The following ATXN1 variants were observed in gnomAD, a reference collection of about 807,000 sequenced individuals.
The protein encoded by ATXN1 is ataxin 1.
In ATXN1, 8 loss-of-function variants were observed where a neutral mutation model predicts 56.4. The ratio of observed to expected loss-of-function variants is 0.14; its 90% CI spans 0.08 to 0.26. The LOEUF (loss-of-function observed/expected upper bound fraction) is 0.26, where lower values mean the gene tolerates loss of function less well. Among genes scored for constraint, ATXN1 ranks in the 10% least tolerant of loss-of-function variants. The pLI is 1.00. For missense variants in ATXN1, 987 were observed against 1,106.5 expected, an observed-to-expected ratio of 0.89 and a Z score of 1.53; for synonymous variants, 514 against 494.6, an observed-to-expected ratio of 1.04 and a Z score of -0.52.
At chr6:16,448,316 C>G (rs926747721) in intron 6 of ATXN1, among the ~76,000 whole-genome samples, 1 of 152,146 alleles carries the variant, frequency 6.6e-6, no homozygotes, top group Admixed American at 6.6e-5. Flanking sequence ...CCTCCCTGGT[C>G]GCCTTGTCTA....
At chr6:16,665,420 T>C (rs1758404330) in intron 2 of ATXN1, among the ~76,000 whole-genome samples, 1 of 152,078 alleles carries the variant, frequency 6.6e-6, no homozygotes, top group South Asian at 2.1e-4. Context: ...TCACACATCA[T>C]ATAGCCTCTG....
At position 16,698,650 on chromosome 6, in the gene ATXN1, TAA is replaced by T. The variant is rs11311429; in HGVS notation, c.-614-40751_-614-40750del. Among the ~76,000 whole-genome samples the T allele has an allele frequency of 4.8e-3, 643 of 135,342 alleles. 1 individual carries two copies. The highest frequency in any genetic ancestry group is 0.015 in the Middle Eastern group (4 of 262). The allele number at this position is 135,342 out of a possible 152,430, so 88.8% of individuals were successfully genotyped here. A position where few individuals can be genotyped will look rare whatever the true frequency, so the allele number is the denominator to read the frequency against. On this transcript the variant is annotated intron_variant, in intron 2 of 7. Transcript: ENST00000436367. ...GTATTTTTTAAATAACCTCAAAAAT[TAA>T]AAAAAAAAAAAAAAAAAAGATCTTC...
chr6:16,686,403 A>G (rs960020232), intron 2 of ATXN1, among the ~76,000 whole-genome samples: 2 of 152,178 alleles, frequency 1.3e-5, no homozygotes, highest in Non-Finnish European at 2.9e-5. Context: ...CCTAATTAAG[A>G]CCAATAAGAA....
At chr6:16,690,692 C>T (rs1759025889) in intron 2 of ATXN1, among the ~76,000 whole-genome samples, 1 of 152,022 alleles carries the variant, frequency 6.6e-6, no homozygotes, top group Non-Finnish European at 1.5e-5. Context: ...CTTAGAAAAC[C>T]ATGCTATTTC....
chr6:16,627,911 T>C (rs1763435821), intron 3 of ATXN1, among the ~76,000 whole-genome samples: 1 of 152,160 alleles, frequency 6.6e-6, no homozygotes, highest in Non-Finnish European at 1.5e-5. Context: ...GCTCCATACA[T>C]TGTATAATTT....
rs1377117528 is a variant in ATXN1, at chr6:16,305,521, C to T, written c.*808G>A. 6.6e-6 allele frequency: 1 copy of T among 152,470 alleles called. No individual in the cohort carries two copies. Among genetic ancestry groups the T allele is most frequent in the African/African-American group, 2.4e-5 (1 of 41,462 alleles). 9.4% of individuals were successfully genotyped at this position (152,470 alleles called of 1,614,324 possible). A position where few individuals can be genotyped will look rare whatever the true frequency, so the allele number is the denominator to read the frequency against. On this transcript the variant is annotated 3_prime_UTR_variant, in exon 8 of 8. Transcript: ENST00000436367. The stretch of plus-strand genomic sequence containing the variant: ...TCCCCCACCCCCAACCCCCCTTACC[C>T]CATGTGGGGCCATGACAGCAGGGGC...
intron 6 of ATXN1, among the ~76,000 whole-genome samples, chr6:16,454,083 T>C (rs988613381): frequency 7.7e-6 from 1 of 129,880 alleles, no homozygotes; most frequent in Non-Finnish European, 1.5e-5. Context: ...TGAGCTGAGA[T>C]GGCTGGACTC....
chr6:16,384,633 G>A (rs1758200312), intron 6 of ATXN1, among the ~76,000 whole-genome samples: 1 of 152,156 alleles, frequency 6.6e-6, no homozygotes, highest in Admixed American at 6.5e-5. Context: ...CTGGATCACG[G>A]GCTTAGATTT....
intron 6 of ATXN1, among the ~76,000 whole-genome samples, chr6:16,344,959 G>A (rs1191130086): frequency 1.3e-5 from 2 of 152,196 alleles, no homozygotes; most frequent in African/African-American, 4.8e-5. Context: ...TCATTAGACC[G>A]TAAACTCCGA....
At chr6:16,618,836 C>T (rs778602545) in intron 3 of ATXN1, among the ~76,000 whole-genome samples, 5 of 148,686 alleles carry the variant, frequency 3.4e-5, no homozygotes, top group Admixed American at 1.3e-4. Context: ...TAAAAATCAA[C>T]GTAAGTAAAA....
intron 6 of ATXN1, among the ~76,000 whole-genome samples, chr6:16,359,926 GA>G (rs1313748335): frequency 6.6e-6 from 1 of 152,058 alleles, no homozygotes; most frequent in Non-Finnish European, 1.5e-5. Context: ...GAAAGGGTGG[GA>G]GGGGGGTGAG....
intron 5 of ATXN1, among the ~76,000 whole-genome samples, chr6:16,491,250 A>AC (rs1398229046): frequency 7.6e-6 from 1 of 131,454 alleles, no homozygotes; most frequent in African/African-American, 2.8e-5. Flanking sequence ...ATGCCACCAC[A>AC]CCTGGCTAAT....
chr6:16,700,052 G>A (rs1759249379), intron 2 of ATXN1, among the ~76,000 whole-genome samples: 1 of 152,172 alleles, frequency 6.6e-6, no homozygotes, highest in Non-Finnish European at 1.5e-5. Flanking sequence ...AGCCATGGAA[G>A]CTTACTCTGT....
intron 3 of ATXN1, among the ~76,000 whole-genome samples, chr6:16,632,385 G>C (rs1175952819): frequency 1.3e-5 from 2 of 152,242 alleles, no homozygotes; most frequent in Non-Finnish European, 2.9e-5. Flanking sequence ...GAACACATGA[G>C]CTAAATGCTA....
At chr6:16,739,617 A>G in intron 2 of ATXN1, 1 of 313,322 alleles carries the variant, frequency 3.2e-6, no homozygotes, top group Non-Finnish European at 6.6e-6. Flanking sequence ...CAAGCCAATC[A>G]GGCAGAACAT....
rs144512832 is a variant in ATXN1 at position 16,337,031 on chromosome 6, G to C, written c.-160-8561C>G. On this transcript the variant is annotated intron_variant, in intron 6 of 7. Coordinates refer to ENST00000436367, the MANE Select transcript of ATXN1 (RefSeq NM_001128164.2). ...CAGTGGGGAGTTGTTCTTTGATTAA[G>C]GGCCTTGAAGGGGAGGCTGGAAAGA... Among the ~76,000 whole-genome samples, 84 of 152,246 alleles carry C rather than the reference G, an allele frequency of 5.5e-4. 1 individual carries two copies. Among genetic ancestry groups the C allele is most frequent in the African/African-American group, 1.8e-3 (75 of 41,536 alleles).
rs763922754 is a variant in ATXN1, at chr6:16,328,040, T to C, written c.271A>G (p.Ser91Gly). The C allele has an allele frequency of 4.3e-6, 7 of 1,613,594 alleles. No individual in the cohort carries two copies. Among genetic ancestry groups the C allele is most frequent in the Non-Finnish European group, 8.5e-7 (1 of 1,179,744 alleles). ...GCCACGGGGACAGACCTGGGAGCGC[T>C]GGGCGGGGAGTAGTCCAGCCCTGTG... ...LSTGLDYSPP[S>G]APRSVPVATT... Residue 91 changes from serine (S) to glycine (G), a missense_variant, in exon 7 of 8, where the codon AGC (serine) becomes GGC (glycine). Around this residue, in one of 3 missense-constraint regions of ATXN1, gnomAD observed 723 missense variants for 791.7 expected, o/e 0.91. Coordinates refer to ENST00000436367, the MANE Select transcript of ATXN1 (RefSeq NM_001128164.2). This position sits in a 1 kb window ranked among gnomAD's most constrained non-coding sequence, Gnocchi z 6.2.
At chr6:16,398,648 G>A (rs1320064918) in intron 6 of ATXN1, among the ~76,000 whole-genome samples, 2 of 152,092 alleles carry the variant, frequency 1.3e-5, no homozygotes, top group Non-Finnish European at 2.9e-5. Context: ...GCCTCCTCCA[G>A]GAGTTATACA....
chr6:16,345,847 C>T (rs1201501374), intron 6 of ATXN1, among the ~76,000 whole-genome samples: 1 of 152,172 alleles, frequency 6.6e-6, no homozygotes, highest in African/African-American at 2.4e-5. Flanking sequence ...GCCAATGGAA[C>T]ATTAAGGACA....
Sources: gnomAD v4.1 joint callset for allele counts (sites outside exome capture counted in the v4.1 genomes callset) on GRCh38, gnomAD v4.1.1 for gene constraint, gnomAD v4.1.1 regional missense constraint, Gnocchi (gnomAD v3.1) non-coding constraint, MANE v1.5 for transcripts, NCBI Gene and HGNC (gene_info 2026-07-23, HGNC 2026-07-21) for gene names.